Variants in MGA observed in about 807,000 individuals in gnomAD.
MGA encodes the protein MAX dimerization protein MGA.
Under a neutral mutation model 261.1 loss-of-function variants are expected in MGA, and 40 were observed. The ratio of observed to expected loss-of-function variants is 0.15; its 90% confidence interval spans 0.12 to 0.20. The LOEUF is 0.20. MGA is among the 10% of genes least tolerant of loss of function. The pLI is 1.00. For missense variants in MGA, 3,397 were observed against 3,630.5 expected, an observed-to-expected ratio of 0.94 and a Z score of 1.65; for synonymous variants, 1,302 against 1,290.6, an observed-to-expected ratio of 1.01 and a Z score of -0.19.
At chr15:41,762,029 G>A in intron 21 of MGA, 100 bp from the exon 22 acceptor site, 1 of 1,114,092 alleles carries the variant, frequency 9.0e-7, no homozygotes, top group Non-Finnish European at 1.3e-6. Context: ...ACTTTCCATA[G>A]TTTTTGGGAA....
At chr15:41,690,397 C>T (rs528324811) in intron 2 of MGA, among the ~76,000 whole-genome samples, 2 of 152,234 alleles carry the variant, frequency 1.3e-5, no homozygotes, top group Admixed American at 6.5e-5. Flanking sequence ...CATTTGTATA[C>T]AAGTCTTTGC....
At chr15:41,713,129 C>A (rs749733948) in intron 8 of MGA, 22 bp from the exon 9 acceptor site, 14 of 1,601,160 alleles carry the variant, frequency 8.7e-6, no homozygotes, top group African/African-American at 1.3e-5. Flanking sequence ...AGTGGAATTA[C>A]AATTTTCTCC....
At position 41,729,318 on chromosome 15, in the gene MGA, A is replaced by G; in HGVS notation, c.3812A>G (p.His1271Arg). Reference sequence around the variant, plus strand: ...TCATTTCAGCAGCAAACTTCATGTCATTCTAGCCCTGAGAACCATAATAAT... The same window carrying G: ...TCATTTCAGCAGCAAACTTCATGTCGTTCTAGCCCTGAGAACCATAATAAT... The change falls in exon 11 of 24, where the codon CAT becomes CGT. Residue 1271 changes from histidine (H) to arginine (R), a missense_variant. By Grantham distance (29) the His-to-Arg change is conservative. Coordinates refer to ENST00000219905, the MANE Select transcript of MGA (RefSeq NM_001164273.2). The G allele has an allele frequency of 6.2e-7, 1 of 1,613,756 alleles. No individual in the cohort carries two copies. Among genetic ancestry groups the G allele is most frequent in the Non-Finnish European group, 8.5e-7 (1 of 1,179,822 alleles).
Position 41,711,166 on chromosome 15 carries a change from G to A in MGA, c.2901G>A (p.Gln967=), listed in dbSNP as rs746726195. Residue 967 remains glutamine, a synonymous_variant, in exon 8 of 24, where the codon CAG becomes CAA. Transcript: ENST00000219905. ...TGGATGAAAATATATTTCCAAAGCA[G>A]ATTAGTTTGCGGCAGGCACAGCAGC... is the stretch of plus-strand genomic sequence containing the variant. The A allele has an allele frequency of 1.2e-6, 2 of 1,613,902 alleles. No individual in the cohort carries two copies. Among genetic ancestry groups the A allele is most frequent in the Admixed American group, 1.7e-5 (1 of 59,988 alleles).
chr15:41,640,311 C>T (rs1566927919), intron 1 of MGA, among the ~76,000 whole-genome samples: 2 of 152,010 alleles, frequency 1.3e-5, no homozygotes. Context: ...GTATTGAGGC[C>T]CTTATATGCT....
At chr15:41,637,780 T>A (rs886243555) in intron 1 of MGA, among the ~76,000 whole-genome samples, 4 of 152,086 alleles carry the variant, frequency 2.6e-5, no homozygotes, top group Admixed American at 6.6e-5. Flanking sequence ...AGTCTTGTTC[T>A]GTTGCTCAGG....
intron 1 of MGA, among the ~76,000 whole-genome samples, chr15:41,639,748 C>T (rs1193678659): frequency 6.6e-6 from 1 of 151,846 alleles, no homozygotes; most frequent in Non-Finnish European, 1.5e-5. Context: ...CGGGGTTTCA[C>T]CGTGTTAGCC....
intron 2 of MGA, chr15:41,691,436 A>G (rs1177508885): frequency 5.1e-6 from 1 of 195,954 alleles, no homozygotes; most frequent in Non-Finnish European, 1.1e-5. Flanking sequence ...TTTTTAGTGG[A>G]TTCTTTAGTA....
At chr15:41,699,243 C>T (rs1388681180) in intron 5 of MGA, 84 bp downstream of exon 5, 4 of 901,916 alleles carry the variant, frequency 4.4e-6, no homozygotes, top group Admixed American at 3.4e-5. Flanking sequence ...CTCTCTTTCT[C>T]ATCTCTTTTT....
chr15:41,623,082 G>A (rs773602922), intron 1 of MGA, among the ~76,000 whole-genome samples: 15 of 152,070 alleles, frequency 9.9e-5, no homozygotes, highest in South Asian at 2.1e-4. Flanking sequence ...TGTTATCTCC[G>A]TTTTACCACT....
In MGA at chr15:41,763,465, C is replaced by T. The variant is rs151118123; in HGVS notation, c.7744+1103C>T. ...ACATTACTATTAAGAAACAGTAGGCCGGATGCGGTGGCTCACGCCTGTAAT... is the reference window on the plus strand; with the variant it reads ...ACATTACTATTAAGAAACAGTAGGCTGGATGCGGTGGCTCACGCCTGTAAT... On this transcript the variant is annotated intron_variant, in intron 22 of 23. Coordinates refer to ENST00000219905, the MANE Select transcript of MGA (RefSeq NM_001164273.2). Among the ~76,000 whole-genome samples, 745 of 151,596 alleles carry T rather than the reference C, an allele frequency of 4.9e-3. 3 individuals are homozygous for T. The highest frequency in any genetic ancestry group is 0.01 in the African/African-American group (426 of 41,364).
intron 2 of MGA, among the ~76,000 whole-genome samples, chr15:41,676,024 A>G (rs542286443): frequency 6.6e-6 from 1 of 152,254 alleles, no homozygotes; most frequent in South Asian, 2.1e-4. Context: ...CAGCTTTTCC[A>G]TGTGTGACAT....
At chr15:41,695,129 T>C (rs1304601771) in intron 2 of MGA, among the ~76,000 whole-genome samples, 3 of 152,014 alleles carry the variant, frequency 2.0e-5, no homozygotes, top group African/African-American at 7.2e-5. Flanking sequence ...AAATGAGAGG[T>C]GCAGTTTTAG....
Position 41,679,875 on chromosome 15 carries a change from C to T in MGA, c.1064+9917C>T, listed in dbSNP as rs555113826. Among the ~76,000 whole-genome samples the T allele has an allele frequency of 4.5e-4, 68 of 151,988 alleles. No individual in the cohort carries two copies. The South Asian group carries it at 0.011, about 24-fold the overall frequency. ...TTTTTCTTTTTCTTGTCTAATTGCT[C>T]TAAATAGGACTTTCAGTAGTAGGTG... On this transcript the variant is annotated intron_variant, in intron 2 of 23. Transcript: ENST00000219905.
Position 41,734,580 on chromosome 15 carries a change from C to G in MGA, c.3902C>G (p.Ser1301Cys), listed in dbSNP as rs2061675872. 1 of 1,601,452 alleles carries G rather than the reference C, an allele frequency of 6.2e-7. No individual in the cohort carries two copies. Among genetic ancestry groups the G allele is most frequent in the Non-Finnish European group, 8.5e-7 (1 of 1,172,356 alleles). The change falls in exon 12 of 24, where the codon TCT becomes TGT. Residue 1301 changes from serine (S) to cysteine (C), a missense_variant. Around this residue, in one of 9 missense-constraint regions of MGA, gnomAD observed 1,410 missense variants for 1,386.4 expected, o/e 1.02. Transcript: ENST00000219905. ...CTCACCTGTGACTTGGAGGATGATT[C>G]TGATAAATTACAAGGTCAGAATGAA...
chr15:41,710,460 C>G (rs1422197125), intron 7 of MGA, among the ~76,000 whole-genome samples: 6 of 151,898 alleles, frequency 4.0e-5, no homozygotes, highest in Admixed American at 3.9e-4. Flanking sequence ...GGGACAGGGT[C>G]CTTGTTACGT....
intron 2 of MGA, among the ~76,000 whole-genome samples, chr15:41,680,108 A>G (rs1324889236): frequency 2.0e-5 from 3 of 152,194 alleles, no homozygotes; most frequent in African/African-American, 7.2e-5. Flanking sequence ...TAATTGGTAT[A>G]GCTTTATGAT....
intron 1 of MGA, among the ~76,000 whole-genome samples, chr15:41,663,634 T>C (rs1686051578): frequency 1.3e-5 from 2 of 152,090 alleles, no homozygotes; most frequent in African/African-American, 4.8e-5. Flanking sequence ...GACGCCCGGC[T>C]AATTTTTTGT....
At chr15:41,759,943 A>T (rs941569725) in intron 19 of MGA, among the ~76,000 whole-genome samples, 4 of 152,074 alleles carry the variant, frequency 2.6e-5, no homozygotes, top group African/African-American at 9.7e-5. Flanking sequence ...ATTGAGGAGG[A>T]TCTTACAGTA....
Sources: gnomAD v4.1 joint callset for allele counts (sites outside exome capture counted in the v4.1 genomes callset) on GRCh38, gnomAD v4.1.1 for gene constraint, gnomAD v4.1.1 regional missense constraint, MANE v1.5 for transcripts, NCBI Gene and HGNC (gene_info 2026-07-23, HGNC 2026-07-21) for gene names.